Variants in PKHD1 observed in about 807,000 individuals in gnomAD.
PKHD1 encodes the protein PKHD1 ciliary IPT domain containing fibrocystin/polyductin, also known as fibrocystin.
Under a neutral mutation model 412.0 loss-of-function variants are expected in PKHD1, and 291 were observed. That is an observed-to-expected ratio of 0.71 (90% CI 0.64 to 0.78). The LOEUF is 0.78. Among genes scored for constraint, PKHD1 ranks in the 30% least tolerant of loss-of-function variants. The probability of loss-of-function intolerance (pLI) is 0.00; values close to 1 mark genes in which losing one functional copy is unlikely to be tolerated. For synonymous variants in PKHD1, 1,777 were observed against 1,821.5 expected (o/e 0.98, Z 0.62); for missense variants, 4,825 against 4,950.7 (o/e 0.97, Z 0.76).
intron 50 of PKHD1, among the ~76,000 whole-genome samples, chr6:51,844,932 G>A (rs1409167483): frequency 6.6e-6 from 1 of 152,114 alleles, no homozygotes; most frequent in African/African-American, 2.4e-5. Context: ...TTCATCCCAG[G>A]AATATGTCCA....
At chr6:52,050,075 C>A in intron 22 of PKHD1, 82 bp downstream of exon 22, 1 of 1,380,934 alleles carries the variant, frequency 7.2e-7, no homozygotes, top group East Asian at 2.3e-5. Flanking sequence ...GTAGCTTTTC[C>A]TGAAAAAAGT....
At chr6:51,715,491 T>G (rs1218204085) in intron 60 of PKHD1, among the ~76,000 whole-genome samples, 2 of 152,196 alleles carry the variant, frequency 1.3e-5, no homozygotes, top group South Asian at 2.1e-4. Flanking sequence ...GAATTAAAAT[T>G]AAAGGCTATT....
chr6:51,797,568 T>C (rs1360052611), intron 52 of PKHD1, among the ~76,000 whole-genome samples: 2 of 152,216 alleles, frequency 1.3e-5, no homozygotes, highest in Non-Finnish European at 2.9e-5. Context: ...CTTCTCTGTC[T>C]TATTTGATTT....
chr6:52,043,173 T>C, intron 26 of PKHD1, 39 bp from the exon 27 acceptor site: 1 of 1,503,458 alleles, frequency 6.7e-7, no homozygotes, highest in Non-Finnish European at 9.2e-7. Context: ...AATAAAATAA[T>C]CTCTCAGTGA....
intron 27 of PKHD1, among the ~76,000 whole-genome samples, chr6:52,038,177 C>T (rs1804241600): frequency 6.6e-6 from 1 of 151,952 alleles, no homozygotes; most frequent in African/African-American, 2.4e-5. Context: ...GTCAGGAGTT[C>T]GAGACCAGCC....
chr6:51,906,414 C>G (rs1782105254), intron 40 of PKHD1, 74 bp from the exon 41 acceptor site: 3 of 1,124,062 alleles, frequency 2.7e-6, no homozygotes, highest in Non-Finnish European at 4.1e-6. Flanking sequence ...GAGCAACCTA[C>G]ACTGTAGCTA....
chr6:51,804,322 C>G (rs1562347828), intron 52 of PKHD1, among the ~76,000 whole-genome samples: 1 of 123,910 alleles, frequency 8.1e-6, no homozygotes, highest in Admixed American at 1.1e-4. Flanking sequence ...AGGCTCAACT[C>G]ACTTATACAT....
intron 27 of PKHD1, among the ~76,000 whole-genome samples, chr6:52,041,664 A>G (rs1804910294): frequency 6.6e-6 from 1 of 152,178 alleles, no homozygotes; most frequent in African/African-American, 2.4e-5. Context: ...AGAGTTTTCC[A>G]TCTTTTGCTA....
rs1484052805 is a variant in PKHD1 at position 52,056,680 on chromosome 6, T to C, written c.1693+18A>G. The C allele has an allele frequency of 1.3e-6, 2 of 1,562,564 alleles. No homozygotes were observed. The highest frequency in any genetic ancestry group is 1.4e-5 in the African/African-American group (1 of 74,016). ...ACCATGATGAAAAAGACAATCAGAA[T>C]GAAGCCACGGACAGCACCTCGTTCA... On this transcript the variant is annotated intron_variant, in intron 18 of 66. Coordinates refer to ENST00000371117, the MANE Select transcript of PKHD1 (RefSeq NM_138694.4).
intron 43 of PKHD1, among the ~76,000 whole-genome samples, chr6:51,897,580 T>C (rs10456653): frequency 1.1e-4 from 15 of 137,426 alleles, no homozygotes; most frequent in Non-Finnish European, 4.6e-5. Flanking sequence ...TAAAGACCAT[T>C]GAGACTAGGA....
chr6:51,897,931 T>C (rs967212050), intron 43 of PKHD1, among the ~76,000 whole-genome samples: 5 of 152,136 alleles, frequency 3.3e-5, no homozygotes, highest in Non-Finnish European at 5.9e-5. Flanking sequence ...CATTACATAA[T>C]GGTAAACGGA....
At chr6:51,925,143 C>T (rs546151490) in intron 37 of PKHD1, among the ~76,000 whole-genome samples, 16 of 152,188 alleles carry the variant, frequency 1.1e-4, no homozygotes, top group Non-Finnish European at 2.2e-4. Context: ...TACTCTATGA[C>T]GGAGCAAAGT....
At chr6:51,880,779 T>TAA (rs71544105) in intron 46 of PKHD1, among the ~76,000 whole-genome samples, 365 of 30,050 alleles carry the variant, frequency 0.012, 45 homozygotes, top group African/African-American at 0.045. Flanking sequence ...AAAAAAAAAT[T>TAA]AAAAAAAAAA....
At position 52,082,275 on chromosome 6, in the gene PKHD1, C is replaced by T. The variant is rs1812153280; in HGVS notation, c.281+117G>A. 2.9e-6 allele frequency: 3 copies of T among 1,034,842 alleles called. No homozygotes were observed. The Admixed American group carries it at 5.3e-5, about 18-fold the overall frequency. 64.1% of individuals were successfully genotyped at this position (1,034,842 alleles called of 1,614,324 possible). On this transcript the variant is annotated intron_variant, in intron 4 of 66. Transcript: ENST00000371117. ...CATATTCACATGAAACTTTTTTTAA[C>T]AACTATGGCTGGCAATTGAATCACA...
chr6:51,823,866 A>G (rs191228061), intron 52 of PKHD1, among the ~76,000 whole-genome samples: 1 of 152,248 alleles, frequency 6.6e-6, no homozygotes, highest in Non-Finnish European at 1.5e-5. Context: ...CATCCGTTTG[A>G]ATCGTGGTCA....
chr6:51,992,393 T>C (rs892927957), intron 35 of PKHD1, among the ~76,000 whole-genome samples: 1 of 152,248 alleles, frequency 6.6e-6, no homozygotes, highest in African/African-American at 2.4e-5. Flanking sequence ...TTTTAATGTT[T>C]GAAAAGTATC....
chr6:51,654,828 C>T (rs1302744707), intron 61 of PKHD1, among the ~76,000 whole-genome samples: 1 of 152,030 alleles, frequency 6.6e-6, no homozygotes, highest in East Asian at 1.9e-4. Flanking sequence ...TTAATGATGA[C>T]CATGAATCGT....
intron 52 of PKHD1, among the ~76,000 whole-genome samples, chr6:51,819,938 G>A (rs1766106153): frequency 6.6e-6 from 1 of 152,128 alleles, no homozygotes; most frequent in Admixed American, 6.6e-5. Flanking sequence ...GTAAACATAA[G>A]AAATCCTGAG....
intron 60 of PKHD1, among the ~76,000 whole-genome samples, chr6:51,663,858 G>A (rs1378246390): frequency 6.6e-6 from 1 of 151,984 alleles, no homozygotes; most frequent in Admixed American, 6.6e-5. Flanking sequence ...TGAAATTATG[G>A]CTGACTATAC....
Sources: gnomAD v4.1 joint callset for allele counts (sites outside exome capture counted in the v4.1 genomes callset) on GRCh38, gnomAD v4.1.1 for gene constraint, MANE v1.5 for transcripts, NCBI Gene and HGNC (gene_info 2026-07-23, HGNC 2026-07-21) for gene names.